Variants in TNR observed in about 807,000 individuals in gnomAD.
The protein encoded by TNR is tenascin R, also known as tenascin-R.
In TNR, 45 loss-of-function variants were observed where a neutral mutation model predicts 150.4. That is an observed-to-expected ratio of 0.30 (90% CI 0.24 to 0.38). TNR has a LOEUF of 0.38. Among genes scored for constraint, TNR ranks in the 10% least tolerant of loss-of-function variants. The probability of loss-of-function intolerance (pLI) is 1.00; values close to 1 mark genes in which losing one functional copy is unlikely to be tolerated. For synonymous variants in TNR, 687 were observed against 678.4 expected (o/e 1.01, Z -0.20); for missense variants, 1,544 against 1,759.1 (o/e 0.88, Z 2.19).
intron 1 of TNR, among the ~76,000 whole-genome samples, chr1:175,561,306 G>GA (rs1173590807): frequency 7.2e-5 from 11 of 152,078 alleles, no homozygotes; most frequent in Non-Finnish European, 8.8e-5. Context: ...TATCTCTTCA[G>GA]AAAAAATGCT....
intron 2 of TNR, among the ~76,000 whole-genome samples, chr1:175,503,643 T>C (rs1005829424): frequency 6.6e-6 from 1 of 152,182 alleles, no homozygotes; most frequent in African/African-American, 2.4e-5. Context: ...GGCAGCTTTC[T>C]CCCAGCAGAA....
At position 175,432,068 on chromosome 1, in the gene TNR, C is replaced by G. The variant is rs563842057; in HGVS notation, c.-63-25291G>C. Among the ~76,000 whole-genome samples the G allele has an allele frequency of 9.9e-5, 15 of 152,122 alleles. 1 individual carries two copies. In the East Asian group the frequency reaches 2.5e-3, roughly 25 times the overall value. ...TGAGCCTCTGCCTGTGGGGAGGGGG[C>G]CAGGGATATGGGGTTGCTGACTGGG... On this transcript the variant is annotated intron_variant, in intron 2 of 22. Coordinates refer to ENST00000367674, the MANE Select transcript of TNR (RefSeq NM_003285.3).
intron 1 of TNR, among the ~76,000 whole-genome samples, chr1:175,687,614 A>T (rs1369432922): frequency 6.6e-6 from 1 of 152,064 alleles, no homozygotes; most frequent in East Asian, 1.9e-4. Flanking sequence ...TGAAGAAGAG[A>T]GGTGGTATGC....
At chr1:175,433,966 G>A (rs939372897) in intron 2 of TNR, among the ~76,000 whole-genome samples, 1 of 152,140 alleles carries the variant, frequency 6.6e-6, no homozygotes, top group African/African-American at 2.4e-5. Flanking sequence ...TAGGAACTCT[G>A]GTCCTCAATG....
chr1:175,551,309 A>T (rs1037886495), intron 1 of TNR, among the ~76,000 whole-genome samples: 2 of 152,220 alleles, frequency 1.3e-5, no homozygotes, highest in African/African-American at 4.8e-5. Flanking sequence ...ATCAAGTGTG[A>T]GGGAGGGATA....
At chr1:175,561,571 A>T (rs889199780) in intron 1 of TNR, among the ~76,000 whole-genome samples, 1 of 152,188 alleles carries the variant, frequency 6.6e-6, no homozygotes, top group Non-Finnish European at 1.5e-5. Context: ...GTAGGGTTTT[A>T]TGGTACTAGA....
intron 1 of TNR, among the ~76,000 whole-genome samples, chr1:175,637,424 C>T (rs558475958): frequency 6.6e-6 from 1 of 152,272 alleles, no homozygotes; most frequent in Admixed American, 6.5e-5. Flanking sequence ...ATCTTATCTC[C>T]TAACTCACAA....
At chr1:175,440,548 TAAAG>T (rs1557935888) in intron 2 of TNR, among the ~76,000 whole-genome samples, 1 of 150,016 alleles carries the variant, frequency 6.7e-6, no homozygotes, top group Non-Finnish European at 1.5e-5. Flanking sequence ...TAAAATAAAA[TAAAG>T]GAAAAAAAAG....
intron 19 of TNR, among the ~76,000 whole-genome samples, chr1:175,337,068 T>A (rs893598066): frequency 3.1e-4 from 47 of 152,130 alleles, no homozygotes; most frequent in Non-Finnish European, 1.3e-4. Flanking sequence ...AATTTTTGTA[T>A]TTTTAGTAGA....
intron 2 of TNR, among the ~76,000 whole-genome samples, chr1:175,466,238 A>G (rs771022569): frequency 3.9e-5 from 6 of 152,210 alleles, no homozygotes; most frequent in Non-Finnish European, 7.3e-5. Context: ...AAGGTCACAT[A>G]GCTAGGAATC....
At chr1:175,647,981 C>T (rs1664854683) in intron 1 of TNR, among the ~76,000 whole-genome samples, 3 of 152,068 alleles carry the variant, frequency 2.0e-5, no homozygotes, top group Admixed American at 6.5e-5. Context: ...ATTAGCGTGC[C>T]CTTCCCACCT....
At chr1:175,555,524 A>G (rs889377587) in intron 1 of TNR, among the ~76,000 whole-genome samples, 2 of 151,656 alleles carry the variant, frequency 1.3e-5, no homozygotes, top group African/African-American at 4.9e-5. Context: ...AGAAAAAAAA[A>G]AAAAAAAAAA....
chr1:175,587,392 C>T (rs1254344589), intron 1 of TNR, among the ~76,000 whole-genome samples: 2 of 152,190 alleles, frequency 1.3e-5, no homozygotes, highest in African/African-American at 4.8e-5. Context: ...TTATTTAATC[C>T]TTTTGAGCTT....
At chr1:175,405,330 C>T (rs1479619829) in intron 3 of TNR, among the ~76,000 whole-genome samples, 1 of 152,116 alleles carries the variant, frequency 6.6e-6, no homozygotes, top group African/African-American at 2.4e-5. Context: ...AGTCTAGCAC[C>T]ATTTGTAGAT....
chr1:175,359,507 G>T, intron 15 of TNR, 105 bp downstream of exon 15: 1 of 1,572,620 alleles, frequency 6.4e-7, no homozygotes, highest in South Asian at 1.1e-5. Context: ...TTTCTAATCT[G>T]TCCTTCAGAT....
chr1:175,487,982 G>A (rs1658085348), intron 2 of TNR, among the ~76,000 whole-genome samples: 1 of 152,140 alleles, frequency 6.6e-6, no homozygotes, highest in Admixed American at 6.5e-5. Flanking sequence ...GCTCAGGTGG[G>A]CCTTGGGTGA....
chr1:175,676,084 G>T (rs141834212), intron 1 of TNR, among the ~76,000 whole-genome samples: 112 of 152,290 alleles, frequency 7.4e-4, no homozygotes, highest in African/African-American at 2.6e-3. Flanking sequence ...GCACAGTGCA[G>T]GCACTGCACT....
intron 1 of TNR, among the ~76,000 whole-genome samples, chr1:175,642,183 C>A (rs1024042668): frequency 4.6e-5 from 7 of 152,178 alleles, no homozygotes; most frequent in Non-Finnish European, 8.8e-5. Flanking sequence ...ACACTTCCCC[C>A]ACCACCCGCC....
chr1:175,641,900 A>G (rs865797496), intron 1 of TNR, among the ~76,000 whole-genome samples: 10 of 152,230 alleles, frequency 6.6e-5, no homozygotes, highest in African/African-American at 2.2e-4. Flanking sequence ...TTTCATGCCA[A>G]TGTACTTCGG....
Sources: allele counts gnomAD v4.1 joint callset (sites outside exome capture counted in the v4.1 genomes callset), GRCh38; gene constraint gnomAD v4.1.1; transcripts MANE v1.5; gene names NCBI Gene and HGNC (gene_info 2026-07-23, HGNC 2026-07-21).